The following AFG1L variants were observed in gnomAD, a reference collection of about 807,000 sequenced individuals.
The protein encoded by AFG1L is AFG1-like ATPase.
A neutral mutation model predicts 62.2 loss-of-function variants in AFG1L; 53 were observed. The observed-to-expected ratio is 0.85, with a 90% confidence interval of 0.68 to 1.07. AFG1L has a LOEUF of 1.07. AFG1L is among the 50% of genes least tolerant of loss of function. AFG1L has a pLI of 0.00. For missense variants in AFG1L, 555 were observed against 590.5 expected (o/e 0.94, Z 0.62); for synonymous variants, 228 against 210.3 (o/e 1.08, Z -0.73).
intron 7 of AFG1L, among the ~76,000 whole-genome samples, chr6:108,421,781 T>C (rs983434320): frequency 1.3e-5 from 2 of 152,140 alleles, no homozygotes; most frequent in African/African-American, 4.8e-5. Flanking sequence ...TCTCAGTTTT[T>C]TTTCTTTCTG....
chr6:108,400,681 T>TTA (rs1167265986), intron 6 of AFG1L, among the ~76,000 whole-genome samples: 2 of 89,102 alleles, frequency 2.2e-5, no homozygotes, highest in African/African-American at 8.8e-5. Flanking sequence ...ATATTATATA[T>TTA]TATATAATTA....
At chr6:108,317,528 T>C (rs1471588418) in intron 1 of AFG1L, among the ~76,000 whole-genome samples, 1 of 152,154 alleles carries the variant, frequency 6.6e-6, no homozygotes, top group Non-Finnish European at 1.5e-5. Flanking sequence ...AACAGTGATA[T>C]TATTTGTAGA....
At chr6:108,420,999 G>A (rs1176275704) in intron 7 of AFG1L, among the ~76,000 whole-genome samples, 1 of 152,130 alleles carries the variant, frequency 6.6e-6, no homozygotes, top group Non-Finnish European at 1.5e-5. Context: ...GGCTAGTGAT[G>A]TAATGTGAAA....
chr6:108,427,346 C>T (rs978808145), intron 7 of AFG1L, among the ~76,000 whole-genome samples: 1 of 152,048 alleles, frequency 6.6e-6, no homozygotes, highest in African/African-American at 2.4e-5. Flanking sequence ...ACCTGCCACT[C>T]TCAGTTTTAA....
At chr6:108,355,023 A>G (rs1440572610) in intron 3 of AFG1L, among the ~76,000 whole-genome samples, 1 of 152,054 alleles carries the variant, frequency 6.6e-6, no homozygotes, top group African/African-American at 2.4e-5. Context: ...ACAATTGACA[A>G]TTCTCTAGCT....
chr6:108,302,796 A>G (rs146126123), intron 1 of AFG1L, among the ~76,000 whole-genome samples: 42 of 152,324 alleles, frequency 2.8e-4, no homozygotes, highest in Admixed American at 2.7e-3. Context: ...CACTTATGCA[A>G]ATAACTATTG....
At chr6:108,389,069 G>T (rs959380704) in intron 6 of AFG1L, among the ~76,000 whole-genome samples, 1 of 152,084 alleles carries the variant, frequency 6.6e-6, no homozygotes, top group Non-Finnish European at 1.5e-5. Context: ...TCCTGTATTG[G>T]GTGCATATAT....
chr6:108,400,847 GCA>G (rs1781563765), intron 6 of AFG1L, among the ~76,000 whole-genome samples: 1 of 21,772 alleles, frequency 4.6e-5, no homozygotes, highest in Non-Finnish European at 7.6e-5. Flanking sequence ...TATATATAAT[GCA>G]AATATATATA....
intron 8 of AFG1L, among the ~76,000 whole-genome samples, chr6:108,452,307 A>G (rs1028779016): frequency 4.6e-5 from 7 of 152,174 alleles, no homozygotes; most frequent in African/African-American, 1.4e-4. Flanking sequence ...GATCCATGAT[A>G]TGCTTCCCCA....
At chr6:108,509,871 T>C (rs147726001) in intron 10 of AFG1L, among the ~76,000 whole-genome samples, 1 of 152,356 alleles carries the variant, frequency 6.6e-6, no homozygotes, top group African/African-American at 2.4e-5. Context: ...CACTACTTTT[T>C]TGGAGCTCAG....
At chr6:108,330,114 C>T (rs1015242090) in intron 2 of AFG1L, among the ~76,000 whole-genome samples, 2 of 151,992 alleles carry the variant, frequency 1.3e-5, no homozygotes, top group African/African-American at 4.8e-5. Flanking sequence ...AGAAGGCCCT[C>T]ACTAGGTGGG....
chr6:108,340,508 G>A (rs977519830), intron 2 of AFG1L, among the ~76,000 whole-genome samples: 1 of 152,052 alleles, frequency 6.6e-6, no homozygotes, highest in Non-Finnish European at 1.5e-5. Context: ...GGGATTACAG[G>A]CGTGTGCCAC....
chr6:108,490,905 C>A (rs181704449), intron 10 of AFG1L, among the ~76,000 whole-genome samples: 4 of 152,296 alleles, frequency 2.6e-5, no homozygotes, highest in African/African-American at 4.8e-5. Context: ...TGGTAACTAA[C>A]AAAATCAAAA....
intron 6 of AFG1L, among the ~76,000 whole-genome samples, chr6:108,375,891 G>A (rs139425644): frequency 3.9e-5 from 6 of 152,146 alleles, no homozygotes; most frequent in South Asian, 2.1e-4. Flanking sequence ...AATTGGTACC[G>A]GCTCTTCTTT....
Position 108,324,394 on chromosome 6 carries a change from T to C in AFG1L, c.363+346T>C, listed in dbSNP as rs72936749. Among the ~76,000 whole-genome samples the C allele has an allele frequency of 9.7e-3, 1,471 of 152,300 alleles. 12 individuals are homozygous for C. Among genetic ancestry groups the C allele is most frequent in the Middle Eastern group, 0.02 (6 of 294 alleles). ...GTGTTCTTTCCCTTTTCTTCCTCCT[T>C]CTTTCTCTGTTTGCCTGACATCTCT... On this transcript the variant is annotated intron_variant, in intron 2 of 12. Coordinates refer to ENST00000368977, the MANE Select transcript of AFG1L (RefSeq NM_145315.5).
rs115272061 is a variant in AFG1L at position 108,499,923 on chromosome 6, G to C, written c.1063-10289G>C. On this transcript the variant is annotated intron_variant, in intron 10 of 12. Transcript: ENST00000368977. ...TGAATAGTGAACATAGTGACCAATA[G>C]GTAATTTTTCTAACCCTTGCCCCCT... Among the ~76,000 whole-genome samples, 310 of 152,178 alleles carry C rather than the reference G, an allele frequency of 2.0e-3. 1 individual carries two copies. The highest frequency in any genetic ancestry group is 7.4e-3 in the African/African-American group (307 of 41,514).
chr6:108,319,973 T>G (rs1190141966), intron 1 of AFG1L, among the ~76,000 whole-genome samples: 1 of 152,002 alleles, frequency 6.6e-6, no homozygotes, highest in East Asian at 1.9e-4. Context: ...ATGAAAAGGG[T>G]GGGACTTTGT....
chr6:108,314,994 A>G (rs1296650647), intron 1 of AFG1L, among the ~76,000 whole-genome samples: 1 of 152,026 alleles, frequency 6.6e-6, no homozygotes, highest in Non-Finnish European at 1.5e-5. Flanking sequence ...ATGCACTAGC[A>G]TGCCCAGCTA....
rs1396096543 is a variant in AFG1L, at chr6:108,428,621, T to A, written c.808-18593T>A. 2.0e-5 allele frequency among the ~76,000 whole-genome samples: 3 copies of A among 152,240 alleles called. No homozygotes were observed. In the East Asian group the frequency reaches 5.8e-4, roughly 29 times the overall value. The stretch of plus-strand genomic sequence containing the variant: ...ATTTACACTGACATCTATTGTTTTT[T>A]GACTTTTTAGTAATGGCCATTCTGG... On this transcript the variant is annotated intron_variant, in intron 7 of 12. Coordinates refer to ENST00000368977, the MANE Select transcript of AFG1L (RefSeq NM_145315.5).
Sources: allele counts gnomAD v4.1 joint callset (sites outside exome capture counted in the v4.1 genomes callset), GRCh38; gene constraint gnomAD v4.1.1; transcripts MANE v1.5; gene names NCBI Gene and HGNC (gene_info 2026-07-23, HGNC 2026-07-21).